Variants in SRD5A2 observed in about 807,000 individuals in gnomAD.
SRD5A2 encodes 3-oxo-5-alpha-steroid 4-dehydrogenase 2.
In SRD5A2, 30 loss-of-function variants were observed where a neutral mutation model predicts 27.4. The observed-to-expected ratio is 1.10, with a 90% CI of 0.82 to 1.49. SRD5A2 has a LOEUF of 1.49. SRD5A2 is among the 40% of genes most tolerant of loss of function. The pLI is 0.00. For missense variants in SRD5A2, 348 were observed against 323.4 expected (o/e 1.08, Z -0.58); for synonymous variants, 141 against 133.6 (o/e 1.06, Z -0.38).
chr2:31,626,674 G>A, the SRD5A2 span, among the ~76,000 whole-genome samples: 1 of 152,112 alleles, frequency 6.6e-6, no homozygotes, highest in African/African-American at 2.4e-5. Flanking sequence ...ATCTGAGTAT[G>A]TTGAACCAGC....
chr2:31,565,643 A>C (rs1276021610), intron 1 of SRD5A2, among the ~76,000 whole-genome samples: 1 of 151,992 alleles, frequency 6.6e-6, no homozygotes, highest in African/African-American at 2.4e-5. Context: ...TAAAAGCATC[A>C]ATTCATCAAG....
rs1041456095 is a variant in SRD5A2 at position 31,524,552 on chromosome 2, G to C, written c.*1644C>G. On this transcript the variant is annotated 3_prime_UTR_variant, in exon 5 of 5. Transcript: ENST00000622030. ...CTTGTGAAAATCTCCAGAAGTCCCAGGATATTTTAATTCAAACAAAACTGC... is the reference window on the plus strand; with the variant it reads ...CTTGTGAAAATCTCCAGAAGTCCCACGATATTTTAATTCAAACAAAACTGC... 3 of 229,326 alleles carry C rather than the reference G, an allele frequency of 1.3e-5. No individual in the cohort carries two copies. Among genetic ancestry groups the C allele is most frequent in the Non-Finnish European group, 2.6e-5 (3 of 115,684 alleles). The allele number at this position is 229,326 out of a possible 1,614,324, so 14.2% of individuals were successfully genotyped here.
the SRD5A2 span, among the ~76,000 whole-genome samples, chr2:31,613,702 G>A: frequency 5.9e-5 from 9 of 152,182 alleles, no homozygotes; most frequent in Non-Finnish European, 4.4e-5. Context: ...TCTGCTAATA[G>A]AGACATACCC....
the SRD5A2 span, among the ~76,000 whole-genome samples, chr2:31,615,493 A>C: frequency 6.6e-6 from 1 of 152,154 alleles, no homozygotes; most frequent in Non-Finnish European, 1.5e-5. Context: ...AGATCTGTGG[A>C]ACTTTGAACT....
In SRD5A2 at chr2:31,523,704, A is replaced by G. The variant is rs930340536; in HGVS notation, c.*2492T>C. On this transcript the variant is annotated 3_prime_UTR_variant, in exon 5 of 5. Transcript: ENST00000622030. The stretch of plus-strand genomic sequence containing the variant: ...ACTGTTAGATTATTTTAGCCAAAAA[A>G]CAGTCCATGGAAACCTCAATTAACT... 4 of 221,196 alleles carry G rather than the reference A, an allele frequency of 1.8e-5. No individual in the cohort carries two copies. The highest frequency in any genetic ancestry group is 3.6e-5 in the Non-Finnish European group (4 of 110,526). The allele number at this position is 221,196 out of a possible 1,614,324, so 13.7% of individuals were successfully genotyped here.
intron 1 of SRD5A2, among the ~76,000 whole-genome samples, chr2:31,539,426 G>A (rs1018211238): frequency 6.6e-6 from 1 of 152,134 alleles, no homozygotes; most frequent in Non-Finnish European, 1.5e-5. Context: ...AGAAAAACTG[G>A]CTCACTCTCA....
At chr2:31,551,014 G>C (rs1163746134) in intron 1 of SRD5A2, among the ~76,000 whole-genome samples, 2 of 151,980 alleles carry the variant, frequency 1.3e-5, no homozygotes, top group Non-Finnish European at 1.5e-5. Flanking sequence ...GATTATTTCA[G>C]TGAATTTGCA....
chr2:31,625,259 A>G, the SRD5A2 span, among the ~76,000 whole-genome samples: 1 of 152,188 alleles, frequency 6.6e-6, no homozygotes, highest in Non-Finnish European at 1.5e-5. Flanking sequence ...TCTGGATATT[A>G]ACCCTTCGTC....
chr2:31,550,844 CT>C (rs1292303185), intron 1 of SRD5A2, among the ~76,000 whole-genome samples: 1 of 151,536 alleles, frequency 6.6e-6, no homozygotes, highest in African/African-American at 2.4e-5. Context: ...ATTCTTACTA[CT>C]TTTATTCAAC....
chr2:31,534,867 C>T (rs532717785), intron 1 of SRD5A2, among the ~76,000 whole-genome samples: 1 of 152,220 alleles, frequency 6.6e-6, no homozygotes, highest in African/African-American at 2.4e-5. Context: ...ATGTGAGTCA[C>T]CATTTTTTTT....
upstream of SRD5A2, among the ~76,000 whole-genome samples, chr2:31,581,372 C>T (rs374733518): frequency 3.9e-5 from 6 of 152,266 alleles, no homozygotes; most frequent in African/African-American, 1.4e-4. Flanking sequence ...CCTCCGGTTC[C>T]TCATGCACTT....
chr2:31,531,579 ATCT>A, intron 2 of SRD5A2, 107 bp from the exon 3 acceptor site: 7 of 743,382 alleles, frequency 9.4e-6, no homozygotes, highest in Admixed American at 2.3e-5. Flanking sequence ...TAATTTCTAA[ATCT>A]AAGAATGGTC....
the SRD5A2 span, among the ~76,000 whole-genome samples, chr2:31,628,517 T>C: frequency 3.3e-5 from 5 of 152,166 alleles, no homozygotes; most frequent in African/African-American, 1.2e-4. Context: ...GTCATCATAT[T>C]GTTAGCTGGT....
the SRD5A2 span, among the ~76,000 whole-genome samples, chr2:31,637,601 A>G: frequency 6.6e-6 from 1 of 152,054 alleles, no homozygotes; most frequent in Non-Finnish European, 1.5e-5. Flanking sequence ...ACTAGCCTTC[A>G]ATCTGAGTGC....
At chr2:31,600,894 G>C in the SRD5A2 span, among the ~76,000 whole-genome samples, 2 of 151,824 alleles carry the variant, frequency 1.3e-5, no homozygotes, top group African/African-American at 2.4e-5. Context: ...GGGATGCAAG[G>C]ATGGCTAAAC....
chr2:31,661,631 G>T, the SRD5A2 span, among the ~76,000 whole-genome samples: 866 of 152,264 alleles, frequency 5.7e-3, 8 homozygotes, highest in African/African-American at 0.019. Context: ...GTTTTCAGCA[G>T]TTGACTCTTA....
Position 31,533,779 on chromosome 2 carries a change from G to C in SRD5A2, c.282-13C>G, listed in dbSNP as rs1281519152. 1 of 1,597,620 alleles carries C rather than the reference G, an allele frequency of 6.3e-7. No homozygotes were observed. The highest frequency in any genetic ancestry group is 1.7e-5 in the Admixed American group (1 of 57,940). ...GTACACAAATGTCCTGGGACACACA[G>C]GGAGGAAAGGTTAGGATTCACTGTT... On this transcript the variant is annotated splice_polypyrimidine_tract_variant and intron_variant, in intron 1 of 4. Coordinates refer to ENST00000622030, the MANE Select transcript of SRD5A2 (RefSeq NM_000348.4).
chr2:31,556,788 C>T (rs2148084441), intron 1 of SRD5A2, among the ~76,000 whole-genome samples: 1 of 152,252 alleles, frequency 6.6e-6, no homozygotes, highest in Admixed American at 6.5e-5. Flanking sequence ...ACAGCAGTCA[C>T]AGGAAGTTAA....
At chr2:31,661,678 A>G in the SRD5A2 span, among the ~76,000 whole-genome samples, 2 of 152,222 alleles carry the variant, frequency 1.3e-5, no homozygotes, top group African/African-American at 4.8e-5. Flanking sequence ...CCTGTTCGGG[A>G]TTCTCCAAGA....
Sources: allele counts gnomAD v4.1 joint callset (sites outside exome capture counted in the v4.1 genomes callset), GRCh38; gene constraint gnomAD v4.1.1; transcripts MANE v1.5; gene names NCBI Gene and HGNC (gene_info 2026-07-23, HGNC 2026-07-21).